The following ADGRB3 variants were observed in gnomAD, a reference collection of about 807,000 sequenced individuals.
The protein encoded by ADGRB3 is brain-specific angiogenesis inhibitor 3.
A neutral mutation model predicts 193.4 loss-of-function variants in ADGRB3; 37 were observed. The ratio of observed to expected loss-of-function variants is 0.19; its 90% confidence interval spans 0.15 to 0.25. ADGRB3 has a LOEUF of 0.25. Ranked by LOEUF, ADGRB3 falls within the 10% of genes least tolerant of loss-of-function variation. ADGRB3 has a pLI of 1.00. For missense variants in ADGRB3, 1,637 were observed against 1,852.9 expected, an observed-to-expected ratio of 0.88 and a Z score of 2.14; for synonymous variants, 690 against 644.2, an observed-to-expected ratio of 1.07 and a Z score of -1.08.
chr6:68,772,872 AACAAACAAAC>A (rs1478006353), intron 3 of ADGRB3, among the ~76,000 whole-genome samples: 2 of 24,662 alleles, frequency 8.1e-5, no homozygotes, highest in African/African-American at 1.5e-4. Flanking sequence ...CAAACAAACA[AACAAACAAAC>A]AAAAAAAAAA....
intron 17 of ADGRB3, among the ~76,000 whole-genome samples, chr6:69,225,754 A>G (rs562028806): frequency 6.6e-6 from 1 of 152,318 alleles, no homozygotes; most frequent in Non-Finnish European, 1.5e-5. Context: ...ATTTTCCTAT[A>G]GAGGAAATAA....
At chr6:68,801,452 C>G (rs767012205) in intron 3 of ADGRB3, among the ~76,000 whole-genome samples, 2 of 152,108 alleles carry the variant, frequency 1.3e-5, no homozygotes, top group African/African-American at 4.8e-5. Context: ...CTATGGGAGG[C>G]CGAGGTGGGC....
intron 3 of ADGRB3, among the ~76,000 whole-genome samples, chr6:68,819,695 C>T (rs932302466): frequency 3.3e-5 from 5 of 152,052 alleles, no homozygotes; most frequent in African/African-American, 1.2e-4. Context: ...TTTATTCTCA[C>T]CCTGTTGATA....
chr6:68,703,842 C>T (rs1335365012), intron 3 of ADGRB3, among the ~76,000 whole-genome samples: 3 of 152,116 alleles, frequency 2.0e-5, no homozygotes, highest in Non-Finnish European at 2.9e-5. Context: ...AGGATAGTCT[C>T]GAACTCCTGA....
chr6:69,172,643 C>CA (rs70987454), intron 17 of ADGRB3, among the ~76,000 whole-genome samples: 2,657 of 26,778 alleles, frequency 0.099, 541 homozygotes, highest in East Asian at 0.36. Flanking sequence ...GACTCTGTCT[C>CA]AAAAAAAAAA....
intron 3 of ADGRB3, among the ~76,000 whole-genome samples, chr6:68,693,003 A>G (rs989142025): frequency 6.6e-6 from 1 of 151,360 alleles, no homozygotes; most frequent in Non-Finnish European, 1.5e-5. Flanking sequence ...CACTTATTTC[A>G]AATTTAAAAC....
intron 3 of ADGRB3, among the ~76,000 whole-genome samples, chr6:68,782,800 G>A (rs369182499): frequency 1.4e-4 from 21 of 151,852 alleles, no homozygotes; most frequent in Admixed American, 5.9e-4. Context: ...CATATCCTTC[G>A]CCCACTTTTT....
At chr6:69,097,606 A>G (rs1253170134) in intron 17 of ADGRB3, among the ~76,000 whole-genome samples, 2 of 152,142 alleles carry the variant, frequency 1.3e-5, no homozygotes, top group Middle Eastern at 3.2e-3. Flanking sequence ...TTTTCCTTAA[A>G]GCTACATTCT....
intron 3 of ADGRB3, among the ~76,000 whole-genome samples, chr6:68,865,656 A>G (rs1434828265): frequency 1.3e-5 from 2 of 152,150 alleles, no homozygotes. Flanking sequence ...GACTATCAGC[A>G]GAATGATTCA....
At chr6:69,145,027 A>C (rs988686990) in intron 17 of ADGRB3, among the ~76,000 whole-genome samples, 1 of 152,126 alleles carries the variant, frequency 6.6e-6, no homozygotes, top group African/African-American at 2.4e-5. Flanking sequence ...TAGTTTGAGT[A>C]GGATTGATAT....
At chr6:69,146,696 C>CTA (rs1423428131) in intron 17 of ADGRB3, among the ~76,000 whole-genome samples, 3 of 152,136 alleles carry the variant, frequency 2.0e-5, no homozygotes, top group Non-Finnish European at 2.9e-5. Flanking sequence ...AGTGGCCACT[C>CTA]TAGATAGGCT....
chr6:69,345,639 G>A (rs1472970428), intron 26 of ADGRB3, among the ~76,000 whole-genome samples: 2 of 152,068 alleles, frequency 1.3e-5, no homozygotes, highest in African/African-American at 2.4e-5. Context: ...CAAACCCACA[G>A]CCAATATCAT....
chr6:68,907,906 A>C (rs1766593271), intron 3 of ADGRB3, among the ~76,000 whole-genome samples: 1 of 151,900 alleles, frequency 6.6e-6, no homozygotes, highest in Non-Finnish European at 1.5e-5. Context: ...TTTAATATAA[A>C]AAATTTAAAA....
intron 4 of ADGRB3, 24 bp from the exon 5 acceptor site, chr6:68,936,495 G>T: frequency 6.2e-7 from 1 of 1,610,042 alleles, no homozygotes; most frequent in African/African-American, 1.3e-5. Context: ...AGTATTTCAT[G>T]TTTATTTGTT....
chr6:68,709,748 A>G (rs1363510717), intron 3 of ADGRB3, among the ~76,000 whole-genome samples: 1 of 152,170 alleles, frequency 6.6e-6, no homozygotes, highest in Non-Finnish European at 1.5e-5. Flanking sequence ...ACCAGAATAC[A>G]TTATTTATGT....
At chr6:68,903,813 C>T (rs956975444) in intron 3 of ADGRB3, among the ~76,000 whole-genome samples, 1 of 151,296 alleles carries the variant, frequency 6.6e-6, no homozygotes, top group Admixed American at 6.6e-5. Context: ...GAGAGACCAA[C>T]CTGGGCAACA....
intron 4 of ADGRB3, among the ~76,000 whole-genome samples, chr6:68,931,235 C>T (rs1767329380): frequency 1.3e-5 from 2 of 151,876 alleles, no homozygotes; most frequent in South Asian, 4.2e-4. Context: ...TAATTAAATA[C>T]CAACCTAAAC....
At chr6:69,214,692 A>G (rs1765738420) in intron 17 of ADGRB3, among the ~76,000 whole-genome samples, 3 of 151,764 alleles carry the variant, frequency 2.0e-5, no homozygotes, top group African/African-American at 7.3e-5. Context: ...TCTAGCCCTA[A>G]AAGAAATCCC....
chr6:69,339,080 G>T, intron 25 of ADGRB3, 66 bp downstream of exon 25: 1 of 1,540,288 alleles, frequency 6.5e-7, no homozygotes, highest in Non-Finnish European at 8.9e-7. Flanking sequence ...AAAATGCTAT[G>T]ATGAAAAAAA....
Sources: gnomAD v4.1 joint callset for allele counts (sites outside exome capture counted in the v4.1 genomes callset) on GRCh38, gnomAD v4.1.1 for gene constraint, MANE v1.5 for transcripts, NCBI Gene and HGNC (gene_info 2026-07-23, HGNC 2026-07-21) for gene names.